Variants in SLC8A3 observed in about 807,000 individuals in gnomAD.
The protein encoded by SLC8A3 is solute carrier family 8 member A3, also known as sodium/calcium exchanger 3.
Under a neutral mutation model 65.4 loss-of-function variants are expected in SLC8A3, and 37 were observed. The ratio of observed to expected loss-of-function variants is 0.57; its 90% confidence interval spans 0.44 to 0.74. The LOEUF is 0.74. Ranked by LOEUF, SLC8A3 falls within the 30% of genes least tolerant of loss-of-function variation. The pLI is 0.00. For missense variants in SLC8A3, 1,112 were observed against 1,172.1 expected, an observed-to-expected ratio of 0.95 and a Z score of 0.75; for synonymous variants, 461 against 444.5, an observed-to-expected ratio of 1.04 and a Z score of -0.47.
Position 70,107,598 on chromosome 14 carries a change from G to T in SLC8A3, c.1785-46659C>A, listed in dbSNP as rs192882424. ...ATTCATGCGAATACCATCCAGTGGG[G>T]TCCTAACACAATCACAGCAGCTCAA... On this transcript the variant is annotated intron_variant, in intron 2 of 6. Transcript: ENST00000356921. Among the ~76,000 whole-genome samples the T allele has an allele frequency of 2.2e-4, 33 of 152,174 alleles. No individual in the cohort carries two copies. The East Asian group carries it at 6.0e-3, about 28-fold the overall frequency.
chr14:70,143,671 C>A (rs182613998), intron 2 of SLC8A3, among the ~76,000 whole-genome samples: 1 of 152,266 alleles, frequency 6.6e-6, no homozygotes, highest in East Asian at 1.9e-4. Flanking sequence ...AGCCCTCATC[C>A]ACAGGAAAGA....
intron 2 of SLC8A3, among the ~76,000 whole-genome samples, chr14:70,065,750 T>C (rs140781702): frequency 3.0e-3 from 464 of 152,354 alleles, no homozygotes; most frequent in Non-Finnish European, 5.5e-3. Context: ...GAGAGTCATA[T>C]GTAAGGGAAG....
intron 2 of SLC8A3, among the ~76,000 whole-genome samples, chr14:70,075,570 G>A (rs1156368620): frequency 6.6e-6 from 1 of 152,010 alleles, no homozygotes; most frequent in East Asian, 1.9e-4. Context: ...TGTCAGCGTG[G>A]TCCCCCTCTG....
At chr14:70,047,823 G>A (rs1886965697) in intron 6 of SLC8A3, 1 of 152,252 alleles carries the variant, frequency 6.6e-6, no homozygotes, top group African/African-American at 2.4e-5. Flanking sequence ...ACTGAATTAA[G>A]TAAAGAACCT....
chr14:70,153,327 G>A (rs1348095715), intron 2 of SLC8A3, among the ~76,000 whole-genome samples: 2 of 152,116 alleles, frequency 1.3e-5, no homozygotes, highest in Admixed American at 6.5e-5. Context: ...CTGGTCTAAG[G>A]ACACAGCTTG....
intron 1 of SLC8A3, among the ~76,000 whole-genome samples, chr14:70,186,353 G>T (rs1361257628): frequency 2.6e-5 from 4 of 152,154 alleles, no homozygotes; most frequent in African/African-American, 9.7e-5. Context: ...ACCAGTGTGA[G>T]AACGGACTAA....
In SLC8A3 at chr14:70,052,105, T is replaced by C; in HGVS notation, c.1898A>G (p.Asp633Gly). Reference protein sequence around the residue: ...WMERGISDVTDRKLTMEEEEA... With the variant: ...WMERGISDVTGRKLTMEEEEA... Reference sequence around the variant, plus strand: ...CTCTTCTTCCATAGTCAGCTTCCTGTCTGTCACATCTGCAACAAAACAAAA... The same window carrying C: ...CTCTTCTTCCATAGTCAGCTTCCTGCCTGTCACATCTGCAACAAAACAAAA... Residue 633 changes from aspartate (D) to glycine (G), a missense_variant, in exon 4 of 7, where the codon GAC becomes GGC. Transcript: ENST00000356921. 6.3e-7 allele frequency: 1 copy of C among 1,597,144 alleles called. No individual in the cohort carries two copies. Among genetic ancestry groups the C allele is most frequent in the Non-Finnish European group, 8.5e-7 (1 of 1,174,842 alleles).
At chr14:70,162,125 T>A (rs1896931845) in intron 2 of SLC8A3, among the ~76,000 whole-genome samples, 1 of 152,218 alleles carries the variant, frequency 6.6e-6, no homozygotes, top group African/African-American at 2.4e-5. Flanking sequence ...GTTAAGACAT[T>A]AGTCACATAA....
At chr14:70,124,353 C>T (rs551986720) in intron 2 of SLC8A3, among the ~76,000 whole-genome samples, 1 of 152,368 alleles carries the variant, frequency 6.6e-6, no homozygotes, top group East Asian at 1.9e-4. Flanking sequence ...AGTCGCCAAA[C>T]ATGGTAGTCA....
At chr14:70,175,216 C>T (rs1179939106) in intron 1 of SLC8A3, among the ~76,000 whole-genome samples, 1 of 152,148 alleles carries the variant, frequency 6.6e-6, no homozygotes, top group Non-Finnish European at 1.5e-5. Context: ...CAGCAATGAT[C>T]ATATATATTC....
intron 2 of SLC8A3, among the ~76,000 whole-genome samples, chr14:70,108,557 G>A (rs1009416741): frequency 5.9e-5 from 9 of 152,038 alleles, no homozygotes; most frequent in African/African-American, 2.2e-4. Context: ...TGGATCACTG[G>A]TTTTCTCCCA....
At chr14:70,185,477 A>G (rs1883125010) in intron 1 of SLC8A3, among the ~76,000 whole-genome samples, 1 of 152,370 alleles carries the variant, frequency 6.6e-6, no homozygotes, top group African/African-American at 2.4e-5. Context: ...GGGCAAGAGG[A>G]CAACCTATCG....
Position 70,089,849 on chromosome 14 carries a change from T to C in SLC8A3, c.1785-28910A>G, listed in dbSNP as rs143671698. Among the ~76,000 whole-genome samples, 996 of 152,306 alleles carry C rather than the reference T, an allele frequency of 6.5e-3. 4 individuals are homozygous for C. Among genetic ancestry groups the C allele is most frequent in the Non-Finnish European group, 9.5e-3 (644 of 68,014 alleles). On this transcript the variant is annotated intron_variant, in intron 2 of 6. Coordinates refer to ENST00000356921, the MANE Select transcript of SLC8A3 (RefSeq NM_182932.3). ...AACACATTGGCTGACTATTGATTCA[T>C]ACATTTCTATTTATTTATAGAGAGA...
Position 70,051,993 on chromosome 14 carries a change from G to GA in SLC8A3, c.2009dup (p.Lys671GlnfsTer38). The GA allele has an allele frequency of 6.2e-7, 1 of 1,612,934 alleles. No homozygotes were observed. Among genetic ancestry groups the GA allele is most frequent in the Non-Finnish European group, 8.5e-7 (1 of 1,179,364 alleles). On this transcript the variant is annotated frameshift_variant, in exon 4 of 7. Transcript: ENST00000356921. LOFTEE classifies it high-confidence loss of function. Reference sequence around the variant, plus strand: ...TAGACCTCACTGTTTGCCTGACCTTGAACTCATAGGACTCTTCAATGATGA... The same window carrying GA: ...TAGACCTCACTGTTTGCCTGACCTTGAAACTCATAGGACTCTTCAATGATGA...
chr14:70,184,966 C>CTT (rs11337843), intron 1 of SLC8A3, among the ~76,000 whole-genome samples: 4 of 108,642 alleles, frequency 3.7e-5, no homozygotes, highest in East Asian at 2.8e-4. Flanking sequence ...TTTTTCTTTT[C>CTT]TTTTTTTTTT....
intron 2 of SLC8A3, among the ~76,000 whole-genome samples, chr14:70,102,933 A>G (rs1301875117): frequency 6.6e-6 from 1 of 152,060 alleles, no homozygotes. Context: ...AGAAATAAAA[A>G]GCTCACAGAA....
At position 70,046,928 on chromosome 14, in the gene SLC8A3, T is replaced by G. The variant is rs2139678942; in HGVS notation, c.2390-605A>C. 6.6e-6 allele frequency: 1 copy of G among 152,436 alleles called. No individual in the cohort carries two copies. Among genetic ancestry groups the G allele is most frequent in the East Asian group, 1.9e-4 (1 of 5,182 alleles). The allele number at this position is 152,436 out of a possible 1,614,324, so 9.4% of individuals were successfully genotyped here. A position where few individuals can be genotyped will look rare whatever the true frequency, so the allele number is the denominator to read the frequency against. On this transcript the variant is annotated intron_variant, in intron 6 of 6. Transcript: ENST00000356921. The surrounding 1 kb of genome is among the most constrained non-coding windows in gnomAD (Gnocchi z 4.2). ...TTGCAGGGTGTTTGACTTTAGATCT[T>G]GGCACAGATTGTAGATACAGGGAGG...
chr14:70,163,182 C>T (rs17107893), intron 2 of SLC8A3, among the ~76,000 whole-genome samples: 23,106 of 152,172 alleles, frequency 0.15, 1,865 homozygotes, highest in Middle Eastern at 0.18. Context: ...GTGCATTTTT[C>T]TCATACTTAT....
chr14:70,104,774 C>A (rs1892746367), intron 2 of SLC8A3, among the ~76,000 whole-genome samples: 1 of 151,798 alleles, frequency 6.6e-6, no homozygotes, highest in African/African-American at 2.4e-5. Context: ...AAGACAATAT[C>A]AAAATTTGTG....
Sources: gnomAD v4.1 joint callset for allele counts (sites outside exome capture counted in the v4.1 genomes callset) on GRCh38, gnomAD v4.1.1 for gene constraint, Gnocchi (gnomAD v3.1) non-coding constraint, MANE v1.5 for transcripts, NCBI Gene and HGNC (gene_info 2026-07-23, HGNC 2026-07-21) for gene names.